Variants in PTPRF observed in about 807,000 individuals in gnomAD.
The protein encoded by PTPRF is protein tyrosine phosphatase receptor type F.
PTPRF carries 59 observed loss-of-function variants against 201.8 expected under a neutral mutation model. The observed-to-expected ratio is 0.29, with a 90% CI of 0.24 to 0.36. The LOEUF is 0.36. PTPRF is among the 10% of genes least tolerant of loss of function. The pLI, the probability that PTPRF is intolerant of heterozygous loss-of-function variation, is 1.00. For synonymous variants in PTPRF, 1,088 were observed against 1,089.7 expected, an observed-to-expected ratio of 1.00 and a Z score of 0.03; for missense variants, 2,132 against 2,690.5, an observed-to-expected ratio of 0.79 and a Z score of 4.59.
chr1:43,525,205 C>T (rs1570805928), upstream of PTPRF: 1 of 152,480 alleles, frequency 6.6e-6, no homozygotes, highest in Admixed American at 6.5e-5. Flanking sequence ...ACGAGGTCAA[C>T]AGCAGAGAGA....
Position 43,585,907 on chromosome 1 carries a change from C to T in PTPRF, c.680-2824C>T, listed in dbSNP as rs1010222644. Among the ~76,000 whole-genome samples, 7 of 152,182 alleles carry T rather than the reference C, an allele frequency of 4.6e-5. No individual in the cohort carries two copies. The East Asian group carries it at 9.6e-4, about 21-fold the overall frequency. ...ACTGGGGTCAAGCCTGCAATCATGA[C>T]CTCTCCCTGGCACAGGCTGTCTAAA... On this transcript the variant is annotated intron_variant, in intron 7 of 33. Coordinates refer to ENST00000359947, the MANE Select transcript of PTPRF (RefSeq NM_002840.5).
At chr1:43,583,031 C>G in intron 7 of PTPRF, 1 of 974,846 alleles carries the variant, frequency 1.0e-6, no homozygotes, top group Non-Finnish European at 1.2e-6. Context: ...TTTTTTATTC[C>G]CTCCTCATCT....
At chr1:43,597,003 G>A (rs766663768) in intron 11 of PTPRF, among the ~76,000 whole-genome samples, 6 of 152,170 alleles carry the variant, frequency 3.9e-5, no homozygotes, top group Non-Finnish European at 8.8e-5. Context: ...CATTGTGTGT[G>A]TGTGACACTG....
Position 43,553,720 on chromosome 1 carries a change from T to C in PTPRF, c.238-80T>C, listed in dbSNP as rs1557695431. The C allele has an allele frequency of 4.4e-5, 70 of 1,608,724 alleles. No homozygotes were observed. The South Asian group carries it at 7.7e-4, about 18-fold the overall frequency. On this transcript the variant is annotated intron_variant, in intron 4 of 33. Coordinates refer to ENST00000359947, the MANE Select transcript of PTPRF (RefSeq NM_002840.5). This position sits in a 1 kb window ranked among gnomAD's most constrained non-coding sequence, Gnocchi z 4.1. ...TTCAGTGTCCCTCCTCATGGACCTT[T>C]TGGAGGTGGGAGGACAACTGACCCT...
chr1:43,567,533 T>C (rs1158951738), intron 5 of PTPRF, among the ~76,000 whole-genome samples: 2 of 152,184 alleles, frequency 1.3e-5, no homozygotes, highest in Non-Finnish European at 2.9e-5. Context: ...TATTGCTCTC[T>C]AGCCTGAGAC....
chr1:43,580,964 G>C (rs781055883), intron 7 of PTPRF, among the ~76,000 whole-genome samples: 2 of 152,260 alleles, frequency 1.3e-5, no homozygotes, highest in African/African-American at 4.8e-5. Context: ...GAGGTGGATG[G>C]ACCCCCGCAT....
At chr1:43,527,469 G>A (rs1273200427), upstream of PTPRF, among the ~76,000 whole-genome samples, 1 of 152,184 alleles carries the variant, frequency 6.6e-6, no homozygotes, top group Non-Finnish European at 1.5e-5. Flanking sequence ...AGTTCCAGAT[G>A]GCGTACATGC....
intron 1 of PTPRF, among the ~76,000 whole-genome samples, chr1:43,532,974 A>G (rs1443751231): frequency 4.6e-5 from 7 of 151,856 alleles, no homozygotes. Flanking sequence ...GTGCCTGCAC[A>G]CTCTCGCAGC....
chr1:43,547,883 T>C (rs74071966), intron 3 of PTPRF, among the ~76,000 whole-genome samples: 2,678 of 151,678 alleles, frequency 0.018, 83 homozygotes, highest in African/African-American at 0.061. Context: ...GGAGGGGAGG[T>C]TGTGGGGCCA....
intron 3 of PTPRF, among the ~76,000 whole-genome samples, chr1:43,545,927 C>T (rs1644641729): frequency 6.6e-6 from 1 of 152,198 alleles, no homozygotes; most frequent in South Asian, 2.1e-4. Flanking sequence ...GCCCCATCGC[C>T]ATGGTTACCA....
At chr1:43,535,660 C>A (rs903806134) in intron 1 of PTPRF, among the ~76,000 whole-genome samples, 1 of 152,186 alleles carries the variant, frequency 6.6e-6, no homozygotes, top group Non-Finnish European at 1.5e-5. Context: ...TGATGGGGAA[C>A]CCTACTGGGG....
upstream of PTPRF, among the ~76,000 whole-genome samples, chr1:43,530,560 A>T (rs1643344988): frequency 6.6e-6 from 1 of 152,280 alleles, no homozygotes; most frequent in South Asian, 2.1e-4. The surrounding 1 kb of genome is among the most constrained non-coding windows in gnomAD (Gnocchi z 4.1). Context: ...TGGGCTCAGT[A>T]TCAGGTTCAG....
rs141392403 is a variant in PTPRF at position 43,584,299 on chromosome 1, TG to T, written c.680-4430del. ...CTCGTTCCCTCTGCCACATCCTCCG[TG>T]GCTTGAGTTTCCTCTGTGAGGGTGA... On this transcript the variant is annotated intron_variant, in intron 7 of 33. Transcript: ENST00000359947. Among the ~76,000 whole-genome samples the T allele has an allele frequency of 4.8e-3, 729 of 152,310 alleles. 9 individuals carry two copies. Among genetic ancestry groups the T allele is most frequent in the African/African-American group, 0.016 (680 of 41,578 alleles).
At chr1:43,592,422 CAG>C in intron 10 of PTPRF, 33 bp from the exon 11 acceptor site, 1 of 1,577,808 alleles carries the variant, frequency 6.3e-7, no homozygotes, top group Non-Finnish European at 8.6e-7. Flanking sequence ...ACTTTGAGCT[CAG>C]AGCTGTCAGT....
chr1:43,613,118 C>T (rs143872829), intron 22 of PTPRF: 3 of 339,550 alleles, frequency 8.8e-6, no homozygotes, highest in South Asian at 4.7e-5. Flanking sequence ...TCACACCCCC[C>T]TCCTGGTCTC....
chr1:43,574,580 G>A (rs1486858373), intron 6 of PTPRF, among the ~76,000 whole-genome samples: 2 of 152,206 alleles, frequency 1.3e-5, no homozygotes, highest in African/African-American at 4.8e-5. Context: ...CACATGTCAT[G>A]TAGCCTCTGA....
Position 43,618,750 on chromosome 1 carries a change from G to GTA in PTPRF, c.4491+4_4491+5dup, listed in dbSNP as rs767437035. 2 of 1,596,594 alleles carry GTA rather than the reference G, an allele frequency of 1.3e-6. No homozygotes were observed. The highest frequency in any genetic ancestry group is 2.2e-5 in the South Asian group (2 of 90,616). On this transcript the variant is annotated splice_donor_variant, in intron 26 of 33. Transcript: ENST00000359947. LOFTEE classifies it high-confidence loss of function. Reference sequence around the variant, plus strand: ...TGTGCGCACCTTCGCACTCCACAAGGTATAGCCTTTCCCCAGTGCATATCT... The same window carrying GTA: ...TGTGCGCACCTTCGCACTCCACAAGGTATATAGCCTTTCCCCAGTGCATATCT...
Position 43,580,295 on chromosome 1 carries a change from G to T in PTPRF, c.679+1375G>T, listed in dbSNP as rs547720040. On this transcript the variant is annotated intron_variant, in intron 7 of 33. Transcript: ENST00000359947. Reference sequence around the variant, plus strand: ...AGAGCAGAGAGAATTAGGCTGTCAAGGCTGTCAACCAAAATACACTTATCA... The same window carrying T: ...AGAGCAGAGAGAATTAGGCTGTCAATGCTGTCAACCAAAATACACTTATCA... 3.3e-5 allele frequency among the ~76,000 whole-genome samples: 5 copies of T among 152,356 alleles called. No individual in the cohort carries two copies. In the South Asian group the frequency reaches 1.0e-3, roughly 32 times the overall value.
At chr1:43,576,041 C>T (rs1179548448) in intron 6 of PTPRF, 1 of 1,015,080 alleles carries the variant, frequency 9.9e-7, no homozygotes, top group Non-Finnish European at 1.4e-6. Flanking sequence ...CTTCAGCCTC[C>T]TCATCTCCAG....
Sources: gnomAD v4.1 joint callset for allele counts (sites outside exome capture counted in the v4.1 genomes callset) on GRCh38, gnomAD v4.1.1 for gene constraint, Gnocchi (gnomAD v3.1) non-coding constraint, MANE v1.5 for transcripts, NCBI Gene and HGNC (gene_info 2026-07-23, HGNC 2026-07-21) for gene names.